The following ARHGAP32 variants were observed in gnomAD, a reference collection of about 807,000 sequenced individuals.
ARHGAP32 encodes Rho GTPase activating protein 32.
In ARHGAP32, 51 loss-of-function variants were observed where a neutral mutation model predicts 186.5. The ratio of observed to expected loss-of-function variants is 0.27; its 90% CI spans 0.22 to 0.35. The LOEUF is 0.35. Ranked by LOEUF, ARHGAP32 falls within the 10% of genes least tolerant of loss-of-function variation. The probability of loss-of-function intolerance (pLI) is 1.00; values close to 1 mark genes in which losing one functional copy is unlikely to be tolerated. For synonymous variants in ARHGAP32, 950 were observed against 964.3 expected (o/e 0.99, Z 0.27); for missense variants, 2,186 against 2,623.5 (o/e 0.83, Z 3.64).
rs187783496 is a variant in ARHGAP32, at chr11:129,230,999, G to A, written c.-5+48147C>T. 2.0e-5 allele frequency among the ~76,000 whole-genome samples: 3 copies of A among 152,194 alleles called. No homozygotes were observed. The South Asian group carries it at 6.2e-4, about 32-fold the overall frequency. On this transcript the variant is annotated intron_variant, in intron 1 of 6. Coordinates refer to the ARHGAP32 transcript ENST00000525234. Reference sequence around the variant, plus strand: ...AAAATACAAAAATTAGCCGGCCATGGTGGTGGGTGCCTGTAATCCCAGCTA... The same window carrying A: ...AAAATACAAAAATTAGCCGGCCATGATGGTGGGTGCCTGTAATCCCAGCTA...
intron 1 of ARHGAP32, among the ~76,000 whole-genome samples, chr11:129,226,647 T>A (rs1156912591): frequency 6.6e-6 from 1 of 152,100 alleles, no homozygotes. Flanking sequence ...GTAAATCCTA[T>A]CTTATCAGTC....
In ARHGAP32 at chr11:128,966,092, C is replaced by T. The variant is rs527411011; in HGVS notation, c.*2815G>A. The T allele has an allele frequency of 6.6e-6, 1 of 152,268 alleles. No homozygotes were observed. Among genetic ancestry groups the T allele is most frequent in the South Asian group, 2.1e-4 (1 of 4,822 alleles). The allele number at this position is 152,268 out of a possible 1,614,324, so 9.4% of individuals were successfully genotyped here. On this transcript the variant is annotated 3_prime_UTR_variant, in exon 23 of 23. Transcript: ENST00000682385. ...AAAATGGCACCTCTGGGATTGTTAG[C>T]AAAATTTTTAGCCAGACGTCCAGGG...
chr11:128,986,639 T>A lies in ARHGAP32; in HGVS notation c.1328A>T (p.Asp443Val), dbSNP rs777921462. Residue 443 changes from aspartate to valine, a missense_variant, in exon 14 of 23, where the codon GAC (aspartate) becomes GTC (valine). Around this residue, in one of 5 missense-constraint regions of ARHGAP32, gnomAD observed 308 missense variants for 596.5 expected, o/e 0.52. Coordinates refer to ENST00000682385, the MANE Select transcript of ARHGAP32 (RefSeq NM_001378024.1). Reference protein sequence around the residue: ...RHEFDSEHVPDLTKEPYVQDI... With the variant: ...RHEFDSEHVPVLTKEPYVQDI... ...CTGAACATACGGTTCTTTCGTCAGGTCGGGGACGTGCTCAGAGTCAAATTC... is the reference window on the plus strand; with the variant it reads ...CTGAACATACGGTTCTTTCGTCAGGACGGGGACGTGCTCAGAGTCAAATTC... The A allele has an allele frequency of 6.2e-7, 1 of 1,614,004 alleles. No individual in the cohort carries two copies. The highest frequency in any genetic ancestry group is 8.5e-7 in the Non-Finnish European group (1 of 1,179,922).
chr11:129,211,133 T>A (rs2197142), intron 1 of ARHGAP32, among the ~76,000 whole-genome samples: 52,322 of 152,058 alleles, frequency 0.34, 9,414 homozygotes, highest in Middle Eastern at 0.48. Flanking sequence ...TAAAATCCTA[T>A]ATTTACTGTA....
rs774891438 is a variant in ARHGAP32, at chr11:128,978,815, G to A, written c.2077C>T (p.Arg693Trp). 6.2e-6 allele frequency: 10 copies of A among 1,612,860 alleles called. No homozygotes were observed. Among genetic ancestry groups the A allele is most frequent in the East Asian group, 4.5e-5 (2 of 44,798 alleles). Residue 693 changes from arginine to tryptophan, a missense_variant, in exon 19 of 23, where the codon CGG becomes TGG. By Grantham distance (101) the Arg-to-Trp change is moderately radical (BLOSUM62 -3). Around this residue, in one of 5 missense-constraint regions of ARHGAP32, gnomAD observed 263 missense variants for 323.5 expected, o/e 0.81. Transcript: ENST00000682385. Reference protein sequence around the residue: ...SSSVSKRKLQRNESEPSEMKA... With the variant: ...SSSVSKRKLQWNESEPSEMKA... ...ATCTCTGAAGGCTCACTCTCATTCC[G>A]CTGCAGCTTTCGTTTAGAAACAGAT...
intron 10 of ARHGAP32, 43 bp from the exon 11 acceptor site, chr11:129,041,052 G>A (rs1939571713): frequency 7.4e-7 from 1 of 1,359,902 alleles, no homozygotes; most frequent in Non-Finnish European, 1.0e-6. Flanking sequence ...CCAGCAAACA[G>A]ACCAATTATG....
At chr11:129,007,318 A>G (rs1042497453) in intron 11 of ARHGAP32, among the ~76,000 whole-genome samples, 1 of 151,980 alleles carries the variant, frequency 6.6e-6, no homozygotes, top group African/African-American at 2.4e-5. Flanking sequence ...AGCTAGGAAT[A>G]AGCTGGCTTT....
At chr11:129,106,338 A>G (rs1328461073) in intron 5 of ARHGAP32, among the ~76,000 whole-genome samples, 1 of 152,182 alleles carries the variant, frequency 6.6e-6, no homozygotes, top group Non-Finnish European at 1.5e-5. Flanking sequence ...AATACTACAC[A>G]GCTATAAAAA....
intron 10 of ARHGAP32, among the ~76,000 whole-genome samples, chr11:129,057,790 G>A (rs977888133): frequency 2.0e-5 from 3 of 151,962 alleles, no homozygotes; most frequent in Non-Finnish European, 4.4e-5. Context: ...TTTAGAGATG[G>A]GAACTTTTAA....
intron 1 of ARHGAP32, among the ~76,000 whole-genome samples, chr11:129,251,079 G>A (rs1039373179): frequency 9.9e-5 from 15 of 152,162 alleles, no homozygotes; most frequent in African/African-American, 3.4e-4. Flanking sequence ...CTCAGATACT[G>A]GTTAAGAGAA....
At chr11:129,152,839 C>T (rs1943317654) in intron 2 of ARHGAP32, among the ~76,000 whole-genome samples, 2 of 152,148 alleles carry the variant, frequency 1.3e-5, no homozygotes, top group South Asian at 2.1e-4. Context: ...GACAAGGATG[C>T]CCACTTTCAC....
At chr11:129,149,665 TAAAC>T (rs1422546989) in intron 2 of ARHGAP32, among the ~76,000 whole-genome samples, 3 of 152,100 alleles carry the variant, frequency 2.0e-5, no homozygotes, top group Non-Finnish European at 2.9e-5. Context: ...CCTTTCCACT[TAAAC>T]AGACTACCAA....
chr11:129,151,144 T>C (rs1010569993), intron 2 of ARHGAP32, among the ~76,000 whole-genome samples: 1 of 152,098 alleles, frequency 6.6e-6, no homozygotes, highest in Non-Finnish European at 1.5e-5. Flanking sequence ...AGGGACATTA[T>C]ATAATGATAA....
At chr11:129,231,176 TAC>T (rs1944854120) in intron 1 of ARHGAP32, among the ~76,000 whole-genome samples, 3 of 152,330 alleles carry the variant, frequency 2.0e-5, no homozygotes, top group Admixed American at 2.0e-4. Flanking sequence ...TTTTCATTTT[TAC>T]ATAGCACATA....
intron 2 of ARHGAP32, among the ~76,000 whole-genome samples, chr11:129,150,211 GAAGAA>G (rs1461814237): frequency 1.3e-5 from 2 of 151,744 alleles, no homozygotes; most frequent in Admixed American, 6.6e-5. Context: ...TGTTCCTGAG[GAAGAA>G]AAGAAATCTA....
At chr11:129,257,971 A>T (rs1372072172) in intron 1 of ARHGAP32, among the ~76,000 whole-genome samples, 1 of 152,174 alleles carries the variant, frequency 6.6e-6, no homozygotes, top group Non-Finnish European at 1.5e-5. Context: ...TATTTTCCAT[A>T]TTCTTCAGTC....
intron 1 of ARHGAP32, among the ~76,000 whole-genome samples, chr11:129,232,318 G>A (rs1944870124): frequency 1.3e-5 from 2 of 152,110 alleles, no homozygotes; most frequent in Admixed American, 1.3e-4. Context: ...TCCAAGAAAA[G>A]CACCTGAGTG....
chr11:129,210,776 C>CA (rs1944569848), intron 1 of ARHGAP32, among the ~76,000 whole-genome samples: 1 of 152,142 alleles, frequency 6.6e-6, no homozygotes, highest in Non-Finnish European at 1.5e-5. Flanking sequence ...AACTCCTTTG[C>CA]ATAAAGTGAA....
chr11:129,274,198 A>C (rs904404729), intron 1 of ARHGAP32, among the ~76,000 whole-genome samples: 3 of 152,150 alleles, frequency 2.0e-5, no homozygotes, highest in Non-Finnish European at 2.9e-5. Context: ...TAAAACTGAA[A>C]ATATCTACTT....
Sources: allele counts gnomAD v4.1 joint callset (sites outside exome capture counted in the v4.1 genomes callset), GRCh38; gene constraint gnomAD v4.1.1; regional missense constraint gnomAD v4.1.1; transcripts MANE v1.5; gene names NCBI Gene and HGNC (gene_info 2026-07-23, HGNC 2026-07-21).